The following ZFYVE16 variants were observed in gnomAD, a reference collection of about 807,000 sequenced individuals.
ZFYVE16 encodes the protein zinc finger FYVE-type containing 16, also known as zinc finger FYVE domain-containing protein 16.
A neutral mutation model predicts 138.1 loss-of-function variants in ZFYVE16; 89 were observed. The observed-to-expected ratio is 0.64, with a 90% CI of 0.54 to 0.77. The LOEUF (loss-of-function observed/expected upper bound fraction) is 0.77, where lower values mean the gene tolerates loss of function less well. Among genes scored for constraint, ZFYVE16 ranks in the 30% least tolerant of loss-of-function variants. The probability of loss-of-function intolerance (pLI) is 0.00; values close to 1 mark genes in which losing one functional copy is unlikely to be tolerated. For synonymous variants in ZFYVE16, 596 were observed against 618.3 expected (o/e 0.96, Z 0.53); for missense variants, 1,793 against 1,786.7 (o/e 1.00, Z -0.06).
rs761685906 is a variant in ZFYVE16, at chr5:80,438,016, T to C, written c.1331T>C (p.Leu444Pro). 1 of 1,614,078 alleles carries C rather than the reference T, an allele frequency of 6.2e-7. No individual in the cohort carries two copies. Residue 444 changes from leucine to proline, a missense_variant, in exon 4 of 19, where the codon CTT (leucine) becomes CCT (proline). Leu to Pro is a moderately conservative substitution (Grantham distance 98). Around this residue, in one of 2 missense-constraint regions of ZFYVE16, gnomAD observed 1,295 missense variants for 1,204.3 expected, o/e 1.08. Coordinates refer to ENST00000505560, the MANE Select transcript of ZFYVE16 (RefSeq NM_001284236.3). Reference protein sequence around the residue: ...LKQEKCKSILLQSLIEGMEDR... With the variant: ...LKQEKCKSILPQSLIEGMEDR... ...CAGGAAAAATGTAAAAGCATACTCC[T>C]TCAGTCATTAATTGAAGGGATGGAA...
rs188172829 is a variant in ZFYVE16 at position 80,421,677 on chromosome 5, G to A, written c.-93-5815G>A. 6.6e-3 allele frequency among the ~76,000 whole-genome samples: 1,001 copies of A among 152,166 alleles called. 10 individuals are homozygous for A. Among genetic ancestry groups the A allele is most frequent in the African/African-American group, 0.021 (881 of 41,512 alleles). On this transcript the variant is annotated intron_variant, in intron 1 of 18. Coordinates refer to ENST00000505560, the MANE Select transcript of ZFYVE16 (RefSeq NM_001284236.3). The stretch of plus-strand genomic sequence containing the variant: ...ATATCTCCATTTTGGTACCAGTACC[G>A]TGCTGTTTTGGTTACTGTAGCCTTG...
chr5:80,412,622 T>C (rs1462455472), intron 1 of ZFYVE16, among the ~76,000 whole-genome samples: 2 of 152,202 alleles, frequency 1.3e-5, no homozygotes, highest in Non-Finnish European at 2.9e-5. Flanking sequence ...TAGTAGAGCA[T>C]TGCTATATAG....
At chr5:80,445,213 C>G in intron 6 of ZFYVE16, 50 bp from the exon 7 acceptor site, 1 of 1,579,486 alleles carries the variant, frequency 6.3e-7, no homozygotes, top group Non-Finnish European at 8.6e-7. Context: ...GGCATTAAAT[C>G]ATTGCCATAT....
chr5:80,440,154 C>G, intron 5 of ZFYVE16, 122 bp downstream of exon 5: 1 of 1,329,856 alleles, frequency 7.5e-7, no homozygotes, highest in Non-Finnish European at 9.6e-7. Flanking sequence ...AATTATCTGG[C>G]TTAGGTGGGA....
intron 10 of ZFYVE16, among the ~76,000 whole-genome samples, 179 bp downstream of exon 10, chr5:80,450,765 G>T (rs1277464715): frequency 6.7e-6 from 1 of 149,760 alleles, no homozygotes; most frequent in Non-Finnish European, 1.5e-5. Context: ...TGTGATTAGT[G>T]TCTATGCAGA....
At chr5:80,441,992 AATGT>A in intron 5 of ZFYVE16, 3 of 887,800 alleles carry the variant, frequency 3.4e-6, no homozygotes, top group Non-Finnish European at 4.1e-6. Flanking sequence ...GAAATTTATG[AATGT>A]ATGTAGAGAT....
In ZFYVE16 at chr5:80,457,037, G is replaced by C; in HGVS notation, c.3888G>C (p.Gln1296His). The change falls in exon 14 of 19, where the codon CAG becomes CAC. Residue 1296 changes from glutamine to histidine, a missense_variant. By Grantham distance (24) the Gln-to-His change is conservative (BLOSUM62 0). Coordinates refer to ENST00000505560, the MANE Select transcript of ZFYVE16 (RefSeq NM_001284236.3). ...TEADSHLVCI[Q>H]NDGIYETQAN... ...CAGATTCTCATCTAGTCTGTATACA[G>C]AATGATGGAATTTATGAAACACAGG... is the stretch of plus-strand genomic sequence containing the variant. 6.2e-7 allele frequency: 1 copy of C among 1,612,974 alleles called. No individual in the cohort carries two copies. The highest frequency in any genetic ancestry group is 8.5e-7 in the Non-Finnish European group (1 of 1,179,658).
At chr5:80,447,639 C>A (rs780247575) in intron 7 of ZFYVE16, among the ~76,000 whole-genome samples, 3 of 152,180 alleles carry the variant, frequency 2.0e-5, no homozygotes, top group South Asian at 2.1e-4. Flanking sequence ...CTGCCTTGTC[C>A]CTCCTCCCTG....
Position 80,439,020 on chromosome 5 carries a change from A to C in ZFYVE16, c.2322+13A>C, listed in dbSNP as rs577533531. On this transcript the variant is annotated intron_variant, in intron 4 of 18. Transcript: ENST00000505560. ...AGCATGTGGGAAAGTAAGTTATAAA[A>C]ATCTTTTAAGTCTTTTGTTCTTTTG... 19 of 1,591,250 alleles carry C rather than the reference A, an allele frequency of 1.2e-5. No homozygotes were observed. In the East Asian group the frequency reaches 3.8e-4, roughly 32 times the overall value.
rs1435511889 is a variant in ZFYVE16 at position 80,438,887 on chromosome 5, C to A, written c.2202C>A (p.Gly734=). 1.2e-6 allele frequency: 2 copies of A among 1,613,952 alleles called. No individual in the cohort carries two copies. The highest frequency in any genetic ancestry group is 3.3e-5 in the Admixed American group (2 of 59,986). ...TACCTGAAAACACTTGCAAAGAAGGCTTGGTTTTGGGCCAGAAACAGCCTA... is the reference window on the plus strand; with the variant it reads ...TACCTGAAAACACTTGCAAAGAAGGATTGGTTTTGGGCCAGAAACAGCCTA... ...DSVPENTCKE[G]LVLGQKQPTW... is the part of the protein sequence containing the mutation. Residue 734 remains glycine (G), a synonymous_variant, in exon 4 of 19, where the codon GGC becomes GGA. Coordinates refer to ENST00000505560, the MANE Select transcript of ZFYVE16 (RefSeq NM_001284236.3).
intron 2 of ZFYVE16, among the ~76,000 whole-genome samples, chr5:80,433,856 T>G (rs979205540): frequency 4.6e-5 from 7 of 152,190 alleles, no homozygotes; most frequent in African/African-American, 1.4e-4. Flanking sequence ...CTTTGACCCA[T>G]GAGTTATTTA....
Position 80,443,227 on chromosome 5 carries a change from A to T in ZFYVE16, c.2524A>T (p.Ser842Cys), listed in dbSNP as rs750757586. 2 of 1,611,610 alleles carry T rather than the reference A, an allele frequency of 1.2e-6. No homozygotes were observed. Among genetic ancestry groups the T allele is most frequent in the South Asian group, 2.2e-5 (2 of 90,490 alleles). The change falls in exon 6 of 19, where the codon AGT becomes TGT. Residue 842 changes from serine to cysteine, a missense_variant. This residue lies in a region of ZFYVE16 where 1,295 missense variants were observed against 1,204.3 expected (regional missense o/e 1.08). Coordinates refer to ENST00000505560, the MANE Select transcript of ZFYVE16 (RefSeq NM_001284236.3). The stretch of plus-strand genomic sequence containing the variant: ...GCCTCCTCAGGAGAACCAAACATCC[A>T]GTATACCTTCACCAGCAACTTTGCC... ...VQPPQENQTS[S>C]IPSPATLPVS...
Position 80,480,422 on chromosome 5 carries a change from G to T in ZFYVE16, c.*3045G>T, listed in dbSNP as rs1214245711. Among the ~76,000 whole-genome samples the T allele has an allele frequency of 2.9e-5, 2 of 68,690 alleles. No homozygotes were observed. Among genetic ancestry groups the T allele is most frequent in the African/African-American group, 3.0e-5 (1 of 33,480 alleles). The allele number at this position is 68,690 out of a possible 152,430, so 45.1% of individuals were successfully genotyped here. On this transcript the variant is annotated 3_prime_UTR_variant, in exon 19 of 19. Transcript: ENST00000505560. ...AAACTATTCACAGTGCACCATGGGA[G>T]AAACAGCTGGAAAAAAAAACAGAAG...
intron 15 of ZFYVE16, among the ~76,000 whole-genome samples, chr5:80,460,032 A>G (rs764599172): frequency 6.6e-6 from 1 of 152,104 alleles, no homozygotes; most frequent in Non-Finnish European, 1.5e-5. Flanking sequence ...TTATGGGCTG[A>G]TAGATTAGTA....
chr5:80,436,342 A>G (rs768323042), intron 3 of ZFYVE16, among the ~76,000 whole-genome samples: 46 of 152,234 alleles, frequency 3.0e-4, no homozygotes, highest in Non-Finnish European at 5.1e-4. Flanking sequence ...GTCCTCCCAA[A>G]CAAAGCAAAG....
rs764885284 is a variant in ZFYVE16 at position 80,455,773 on chromosome 5, T to C, written c.3689T>C (p.Val1230Ala). ...EIGHTIMNLLVDLRNYQYTLH... is the reference protein window; with the variant it reads ...EIGHTIMNLLADLRNYQYTLH... ...GGACACACTATTATGAACTTACTTG[T>C]TGTGAGTAATTGAACTATTTTATTA... Residue 1230 changes from valine to alanine, a missense_variant and splice_region_variant, in exon 12 of 19, where the codon GTT (valine) becomes GCT (alanine). By Grantham distance (64) the Val-to-Ala change is moderately conservative. Coordinates refer to ENST00000505560, the MANE Select transcript of ZFYVE16 (RefSeq NM_001284236.3). The C allele has an allele frequency of 2.5e-6, 4 of 1,570,292 alleles. No individual in the cohort carries two copies. The highest frequency in any genetic ancestry group is 3.4e-6 in the Non-Finnish European group (4 of 1,166,870).
intron 15 of ZFYVE16, among the ~76,000 whole-genome samples, chr5:80,464,530 G>C (rs1263184359): frequency 1.3e-5 from 2 of 152,138 alleles, no homozygotes; most frequent in Non-Finnish European, 2.9e-5. Flanking sequence ...GGGACACAAA[G>C]CCTAACCATA....
At position 80,438,326 on chromosome 5, in the gene ZFYVE16, A is replaced by G. The variant is rs1750231903; in HGVS notation, c.1641A>G (p.Ile547Met). 2 of 1,613,778 alleles carry G rather than the reference A, an allele frequency of 1.2e-6. No individual in the cohort carries two copies. The highest frequency in any genetic ancestry group is 1.1e-5 in the South Asian group (1 of 91,058). The change falls in exon 4 of 19, where the codon ATA becomes ATG. Residue 547 changes from isoleucine (I) to methionine (M), a missense_variant. Around this residue, in one of 2 missense-constraint regions of ZFYVE16, gnomAD observed 1,295 missense variants for 1,204.3 expected, o/e 1.08. Coordinates refer to ENST00000505560, the MANE Select transcript of ZFYVE16 (RefSeq NM_001284236.3). ...LTEQYLQTTNIKSFEENVNDS... is the reference protein window; with the variant it reads ...LTEQYLQTTNMKSFEENVNDS... ...AACAGTATCTTCAGACCACTAACAT[A>G]AAGTCTTTTGAAGAAAATGTAAATG...
intron 7 of ZFYVE16, among the ~76,000 whole-genome samples, chr5:80,445,901 CT>C (rs796531343): frequency 0.035 from 4,323 of 121,868 alleles, 176 homozygotes; most frequent in African/African-American, 0.12. Flanking sequence ...CAGATTTTAC[CT>C]TTTTTTTTTT....
Sources: allele counts gnomAD v4.1 joint callset (sites outside exome capture counted in the v4.1 genomes callset), GRCh38; gene constraint gnomAD v4.1.1; regional missense constraint gnomAD v4.1.1; transcripts MANE v1.5; gene names NCBI Gene and HGNC (gene_info 2026-07-23, HGNC 2026-07-21).